Variants in ANKMY2 observed in about 807,000 individuals in gnomAD.
The protein encoded by ANKMY2 is ankyrin repeat and MYND domain containing 2, also known as ankyrin repeat and MYND domain-containing protein 2.
ANKMY2 carries 36 observed loss-of-function variants against 50.4 expected under a neutral mutation model. The observed-to-expected ratio is 0.71, with a 90% CI of 0.55 to 0.94. The LOEUF (loss-of-function observed/expected upper bound fraction) is 0.94, where lower values mean the gene tolerates loss of function less well. Ranked by LOEUF, ANKMY2 falls within the 40% of genes least tolerant of loss-of-function variation. ANKMY2 has a pLI of 0.00. For missense variants in ANKMY2, 565 were observed against 524.0 expected (o/e 1.08, Z -0.76); for synonymous variants, 187 against 178.8 (o/e 1.05, Z -0.36).
At chr7:16,623,617 C>G (rs574050290) in intron 4 of ANKMY2, among the ~76,000 whole-genome samples, 1 of 152,202 alleles carries the variant, frequency 6.6e-6, no homozygotes, top group African/African-American at 2.4e-5. Context: ...GGAATTTGCC[C>G]GTGATCCTAT....
intron 7 of ANKMY2, 119 bp downstream of exon 7, chr7:16,609,511 G>A: frequency 1.7e-6 from 2 of 1,180,358 alleles, no homozygotes; most frequent in South Asian, 2.1e-5. Context: ...CTCCACCTTT[G>A]TTCCTAAAAA....
At chr7:16,623,572 A>G (rs1781471215) in intron 4 of ANKMY2, among the ~76,000 whole-genome samples, 1 of 152,192 alleles carries the variant, frequency 6.6e-6, no homozygotes, top group African/African-American at 2.4e-5. Flanking sequence ...GCTTCTTTGC[A>G]TACAGATCAG....
chr7:16,611,931 G>C (rs919912955), intron 5 of ANKMY2, among the ~76,000 whole-genome samples: 4 of 152,100 alleles, frequency 2.6e-5, no homozygotes, highest in African/African-American at 4.8e-5. Context: ...CTTTGGGTAG[G>C]GGAACCACCC....
chr7:16,639,971 C>T (rs1781723313), intron 1 of ANKMY2, among the ~76,000 whole-genome samples: 1 of 150,818 alleles, frequency 6.6e-6, no homozygotes, highest in Non-Finnish European at 1.5e-5. Flanking sequence ...ACCAGCCTGG[C>T]CAACATGGTG....
intron 4 of ANKMY2, among the ~76,000 whole-genome samples, chr7:16,623,326 T>C (rs1032338693): frequency 6.6e-6 from 1 of 152,166 alleles, no homozygotes. Context: ...ACATTACTCT[T>C]ATTTTAGGAT....
intron 4 of ANKMY2, among the ~76,000 whole-genome samples, chr7:16,624,700 G>C (rs189397994): frequency 6.6e-6 from 1 of 152,072 alleles, no homozygotes; most frequent in East Asian, 1.9e-4. Context: ...TAAACATTAG[G>C]GTTAGCTACT....
Position 16,636,422 on chromosome 7 carries a change from C to A in ANKMY2, c.101G>T (p.Ser34Ile). Residue 34 changes from serine to isoleucine, a missense_variant, in exon 2 of 10, where the codon AGC (serine) becomes ATC (isoleucine). Physicochemically the swap from Ser to Ile is moderately radical, Grantham distance 142. Coordinates refer to ENST00000306999, the MANE Select transcript of ANKMY2 (RefSeq NM_020319.3). ...CAAACAGTTGACACGAACATTCTTG[C>A]TGGATAATAATGTTCCAGCTTCTTG... ...TVQEAGTLLS[S>I]KNVRVNCLDE... The A allele has an allele frequency of 6.3e-7, 1 of 1,582,150 alleles. No homozygotes were observed. Among genetic ancestry groups the A allele is most frequent in the Non-Finnish European group, 8.6e-7 (1 of 1,164,060 alleles).
chr7:16,643,301 T>C (rs987076710), intron 1 of ANKMY2, among the ~76,000 whole-genome samples: 11 of 152,316 alleles, frequency 7.2e-5, no homozygotes, highest in Admixed American at 3.9e-4. Context: ...TCCTAGCTCA[T>C]CCAAATTAAA....
chr7:16,638,178 G>A (rs992883258), intron 1 of ANKMY2, among the ~76,000 whole-genome samples: 1 of 152,138 alleles, frequency 6.6e-6, no homozygotes, highest in Non-Finnish European at 1.5e-5. Flanking sequence ...GACACCAATG[G>A]GGTATCCTAT....
rs2128341270 is a variant in ANKMY2 at position 16,600,247 on chromosome 7, T to C, written c.*514A>G. 6.6e-6 allele frequency: 1 copy of C among 152,424 alleles called. No individual in the cohort carries two copies. The allele number at this position is 152,424 out of a possible 1,614,324, so 9.4% of individuals were successfully genotyped here. On this transcript the variant is annotated 3_prime_UTR_variant, in exon 10 of 10. Coordinates refer to ENST00000306999, the MANE Select transcript of ANKMY2 (RefSeq NM_020319.3). Reference sequence around the variant, plus strand: ...ACAATTAGCTGAACTATGGCAAAGGTCCTTGAACATAAAGCCTTTCTTCAT... The same window carrying C: ...ACAATTAGCTGAACTATGGCAAAGGCCCTTGAACATAAAGCCTTTCTTCAT...
intron 3 of ANKMY2, among the ~76,000 whole-genome samples, chr7:16,626,675 C>T (rs544516750): frequency 9.2e-5 from 14 of 152,258 alleles, no homozygotes; most frequent in Admixed American, 5.9e-4. Flanking sequence ...GGCAAACAGA[C>T]GGCTCTGTCA....
rs76610649 is a variant in ANKMY2 at position 16,604,583 on chromosome 7, A to G, written c.1011+138T>C. On this transcript the variant is annotated intron_variant, in intron 8 of 9. Coordinates refer to ENST00000306999, the MANE Select transcript of ANKMY2 (RefSeq NM_020319.3). ...TAATTCTTTTCCAAAACTACTTTTT[A>G]AGTATTAAATAGAATATTTTCGTTA... 9.6e-5 allele frequency: 110 copies of G among 1,145,268 alleles called. 1 individual carries two copies. The East Asian group carries it at 2.9e-3, about 30-fold the overall frequency. The allele number at this position is 1,145,268 out of a possible 1,614,324, so 70.9% of individuals were successfully genotyped here.
chr7:16,630,001 G>A (rs1453460129), intron 2 of ANKMY2, among the ~76,000 whole-genome samples: 1 of 151,956 alleles, frequency 6.6e-6, no homozygotes, highest in African/African-American at 2.4e-5. Flanking sequence ...TCCAGAAAAG[G>A]AAATAATTTG....
At chr7:16,618,192 C>T (rs950034299) in intron 4 of ANKMY2, among the ~76,000 whole-genome samples, 2 of 152,100 alleles carry the variant, frequency 1.3e-5, no homozygotes, top group African/African-American at 4.8e-5. Flanking sequence ...TCCCAAAGTG[C>T]TGGGATTACA....
chr7:16,625,175 T>C, intron 3 of ANKMY2, 94 bp from the exon 4 acceptor site: 1 of 889,050 alleles, frequency 1.1e-6, no homozygotes, highest in Middle Eastern at 2.5e-4. Flanking sequence ...TTCCCCCAGT[T>C]AGTTTTAGGT....
At chr7:16,626,182 T>A (rs1781503869) in intron 3 of ANKMY2, among the ~76,000 whole-genome samples, 1 of 152,056 alleles carries the variant, frequency 6.6e-6, no homozygotes, top group African/African-American at 2.4e-5. Flanking sequence ...GGTCTCATGG[T>A]GTTGCCTAGG....
chr7:16,639,548 A>G (rs1416362584), intron 1 of ANKMY2, among the ~76,000 whole-genome samples: 1 of 152,218 alleles, frequency 6.6e-6, no homozygotes, highest in Non-Finnish European at 1.5e-5. Flanking sequence ...CAAGCATTTT[A>G]GGAGAGAAAA....
chr7:16,602,319 G>T, intron 9 of ANKMY2, 61 bp downstream of exon 9: 1 of 1,575,286 alleles, frequency 6.3e-7, no homozygotes, highest in South Asian at 1.2e-5. Flanking sequence ...AGTGTGTTAA[G>T]ATCACCTATC....
rs543788692 is a variant in ANKMY2, at chr7:16,624,342, C to A, written c.370+641G>T. Among the ~76,000 whole-genome samples the A allele has an allele frequency of 5.6e-4, 86 of 152,322 alleles. 1 individual carries two copies. Among genetic ancestry groups the A allele is most frequent in the Admixed American group, 8.5e-4 (13 of 15,304 alleles). On this transcript the variant is annotated intron_variant, in intron 4 of 9. Transcript: ENST00000306999. Reference sequence around the variant, plus strand: ...CAAAGAACAAGAATTCACTCCCACTCTTTCCTTACATTATGTCAAGCAATA... The same window carrying A: ...CAAAGAACAAGAATTCACTCCCACTATTTCCTTACATTATGTCAAGCAATA...
Sources: allele counts gnomAD v4.1 joint callset (sites outside exome capture counted in the v4.1 genomes callset), GRCh38; gene constraint gnomAD v4.1.1; transcripts MANE v1.5; gene names NCBI Gene and HGNC (gene_info 2026-07-23, HGNC 2026-07-21).